Variants in HM13 observed in about 807,000 individuals in gnomAD.
HM13 encodes histocompatibility minor 13.
HM13 carries 18 observed loss-of-function variants against 50.0 expected under a neutral mutation model. The ratio of observed to expected loss-of-function variants is 0.36; its 90% CI spans 0.25 to 0.53. The LOEUF (loss-of-function observed/expected upper bound fraction) is 0.53, where lower values mean the gene tolerates loss of function less well. HM13 is among the 20% of genes least tolerant of loss of function. HM13 has a pLI of 0.90. For missense variants in HM13, 393 were observed against 552.4 expected (o/e 0.71, Z 2.89); for synonymous variants, 197 against 232.6 (o/e 0.85, Z 1.39).
intron 1 of HM13, among the ~76,000 whole-genome samples, chr20:31,523,034 G>A (rs2122546145): frequency 8.1e-6 from 1 of 123,898 alleles, no homozygotes; most frequent in South Asian, 2.1e-4. Context: ...GCCTGTTTGG[G>A]GTTTTTTTTG....
chr20:31,565,481 CAAAAAAAAAA>C (rs549803053), intron 10 of HM13, among the ~76,000 whole-genome samples: 4 of 90,084 alleles, frequency 4.4e-5, no homozygotes, highest in African/African-American at 1.5e-4. Flanking sequence ...GACTCTGTCT[CAAAAAAAAAA>C]AAAAAAAAAG....
chr20:31,543,278 G>A (rs749322579), intron 3 of HM13, among the ~76,000 whole-genome samples: 3 of 152,082 alleles, frequency 2.0e-5, no homozygotes, highest in Non-Finnish European at 4.4e-5. Flanking sequence ...TAGAGGCCCA[G>A]AGATGGTTTT....
intron 2 of HM13, among the ~76,000 whole-genome samples, chr20:31,536,790 G>C (rs977852405): frequency 6.6e-6 from 1 of 152,118 alleles, no homozygotes; most frequent in African/African-American, 2.4e-5. Flanking sequence ...CTCTCCTCCA[G>C]AACCTTCCCT....
At chr20:31,542,053 G>A (rs555918862) in intron 3 of HM13, among the ~76,000 whole-genome samples, 1 of 152,358 alleles carries the variant, frequency 6.6e-6, no homozygotes, top group Non-Finnish European at 1.5e-5. Flanking sequence ...CCCAAGGACT[G>A]GCAGAGGAGA....
rs991711015 is a variant in HM13 at position 31,569,449 on chromosome 20, C to A, written c.*230C>A. On this transcript the variant is annotated 3_prime_UTR_variant, in exon 13 of 13. Coordinates refer to ENST00000398174, the MANE Select transcript of HM13 (RefSeq NM_178581.3). ...GGCAAAAGAAACCCCCAGCTTCCCCCCTCCCCGGGAGCCAGGTGGGAAAAG... is the reference window on the plus strand; with the variant it reads ...GGCAAAAGAAACCCCCAGCTTCCCCACTCCCCGGGAGCCAGGTGGGAAAAG... 2 of 409,580 alleles carry A rather than the reference C, an allele frequency of 4.9e-6. No homozygotes were observed. Among genetic ancestry groups the A allele is most frequent in the African/African-American group, 2.0e-5 (1 of 49,244 alleles). 25.4% of individuals were successfully genotyped at this position (409,580 alleles called of 1,614,324 possible).
rs763847318 is a variant in HM13, at chr20:31,527,553, A to G, written c.253A>G (p.Thr85Ala). Residue 85 changes from threonine to alanine, a missense_variant, in exon 2 of 13, where the codon ACA becomes GCA. Physicochemically the swap from Thr to Ala is moderately conservative, Grantham distance 58. This residue lies in a region of HM13 where 214 missense variants were observed against 276.1 expected (regional missense o/e 0.77). Transcript: ENST00000398174. ...AARFPIIASC[T>A]LLGLYLFFKI... is the part of the protein sequence containing the mutation. ...CCGCTTCCCCATCATCGCCAGCTGC[A>G]CACTCTTGGGGCTCTACCTCTTTTT... is the stretch of plus-strand genomic sequence containing the variant. The G allele has an allele frequency of 4.3e-6, 7 of 1,614,006 alleles. No homozygotes were observed. In the East Asian group the frequency reaches 1.3e-4, roughly 31 times the overall value.
intron 10 of HM13, chr20:31,565,954 T>TG (rs1984884223): frequency 2.8e-6 from 1 of 357,966 alleles, no homozygotes. Flanking sequence ...GTGATTCAGA[T>TG]GCTGCCAGCC....
rs891390335 is a variant in HM13 at position 31,569,336 on chromosome 20, G to A, written c.*117G>A. 2.0e-4 allele frequency: 131 copies of A among 644,074 alleles called. No homozygotes were observed. The highest frequency in any genetic ancestry group is 2.3e-4 in the Non-Finnish European group (85 of 368,046). 39.9% of individuals were successfully genotyped at this position (644,074 alleles called of 1,614,324 possible). On this transcript the variant is annotated 3_prime_UTR_variant, in exon 13 of 13. Transcript: ENST00000398174. ...AGGGCAGCTCCAGGACAGGGCAGGG[G>A]GCAGCAGGATACCTCCAGCCAGGCC...
rs559947790 is a variant in HM13 at position 31,568,009 on chromosome 20, GTC to G, written c.1035-65_1035-64del. 2.6e-4 allele frequency: 345 copies of G among 1,350,168 alleles called. 3 individuals carry two copies. In the South Asian group the frequency reaches 4.6e-3, roughly 18 times the overall value. The allele number at this position is 1,350,168 out of a possible 1,614,324, so 83.6% of individuals were successfully genotyped here. On this transcript the variant is annotated intron_variant, in intron 11 of 12. Transcript: ENST00000398174. ...CTGCTCTCTGCTCCTTGGAAAGGAA[GTC>G]TCTGTCCTCCCTTAGTCTTTCCCTA...
chr20:31,524,178 T>A (rs755475370), intron 1 of HM13, among the ~76,000 whole-genome samples: 10 of 151,916 alleles, frequency 6.6e-5, no homozygotes, highest in Non-Finnish European at 1.0e-4. Flanking sequence ...AGTTCAAGGC[T>A]GCAGTGAGCT....
chr20:31,515,996 C>T (rs528841649), intron 1 of HM13, among the ~76,000 whole-genome samples: 3 of 152,364 alleles, frequency 2.0e-5, no homozygotes, highest in South Asian at 4.1e-4. Context: ...CTGCCATCTT[C>T]CTTCCCCAGG....
chr20:31,558,299 C>T (rs549931505), intron 8 of HM13, among the ~76,000 whole-genome samples: 14 of 152,264 alleles, frequency 9.2e-5, no homozygotes, highest in African/African-American at 2.9e-4. Flanking sequence ...TGCCCCTCCT[C>T]CTCCCCCCTC....
intron 3 of HM13, 23 bp downstream of exon 3, chr20:31,538,284 C>T: frequency 6.2e-7 from 1 of 1,614,196 alleles, no homozygotes; most frequent in Non-Finnish European, 8.5e-7. Context: ...CTCTCTGCAA[C>T]ATTTGAAGCA....
chr20:31,551,598 G>A (rs565326362), intron 7 of HM13, among the ~76,000 whole-genome samples: 1 of 152,150 alleles, frequency 6.6e-6, no homozygotes, highest in Non-Finnish European at 1.5e-5. Flanking sequence ...ATCACCTGCT[G>A]GTATTACAAG....
At chr20:31,531,083 T>TA (rs1287380956) in intron 2 of HM13, among the ~76,000 whole-genome samples, 2 of 152,150 alleles carry the variant, frequency 1.3e-5, no homozygotes, top group African/African-American at 4.8e-5. Context: ...CTCACTCTGT[T>TA]GCCCAGGCTG....
intron 8 of HM13, among the ~76,000 whole-genome samples, chr20:31,556,036 CT>C (rs561024148): frequency 1.6e-3 from 220 of 137,952 alleles, no homozygotes; most frequent in Admixed American, 1.8e-3. Context: ...ATTATTTCTC[CT>C]TTTTTTTTTT....
At chr20:31,559,260 C>A (rs1009715232) in intron 8 of HM13, among the ~76,000 whole-genome samples, 1 of 152,144 alleles carries the variant, frequency 6.6e-6, no homozygotes, top group Non-Finnish European at 1.5e-5. Flanking sequence ...CTACCCTGTC[C>A]CCCTGGCTGA....
intron 1 of HM13, among the ~76,000 whole-genome samples, chr20:31,515,245 T>C (rs758599082): frequency 1.3e-5 from 2 of 152,216 alleles, no homozygotes; most frequent in South Asian, 4.1e-4. Flanking sequence ...CCTGTCTCAC[T>C]GGAATCTATG....
At chr20:31,523,569 G>T (rs2122548193) in intron 1 of HM13, among the ~76,000 whole-genome samples, 1 of 152,270 alleles carries the variant, frequency 6.6e-6, no homozygotes, top group African/African-American at 2.4e-5. Flanking sequence ...AGCCAGTTTT[G>T]CTGTGCATTC....
Sources: allele counts gnomAD v4.1 joint callset (sites outside exome capture counted in the v4.1 genomes callset), GRCh38; gene constraint gnomAD v4.1.1; regional missense constraint gnomAD v4.1.1; transcripts MANE v1.5; gene names NCBI Gene and HGNC (gene_info 2026-07-23, HGNC 2026-07-21).